The following BTD variants were observed in gnomAD, a reference collection of about 807,000 sequenced individuals.
BTD encodes the protein biotinidase, also known as biocytinase.
Under a neutral mutation model 17.7 loss-of-function variants are expected in BTD, and 13 were observed. The observed-to-expected ratio is 0.74, with a 90% confidence interval of 0.48 to 1.17. The LOEUF is 1.17. Ranked by LOEUF, BTD falls within the 50% of genes most tolerant of loss-of-function variation. BTD has a pLI of 0.00. For synonymous variants in BTD, 240 were observed against 245.2 expected (o/e 0.98, Z 0.20); for missense variants, 674 against 650.4 (o/e 1.04, Z -0.39).
intron 3 of BTD, chr3:15,709,671 C>T (rs1185638022): frequency 3.8e-6 from 6 of 1,577,342 alleles, no homozygotes; most frequent in Admixed American, 1.8e-5. Context: ...ACCCTACCTC[C>T]CAAATTTGTC....
At position 15,710,465 on chromosome 3, in the gene BTD, C is replaced by G. The variant is rs185568864; in HGVS notation, c.*391C>G. Reference sequence around the variant, plus strand: ...GGCGACCTTGGAAGAACAAGAAAACCAGTCACATGCTCACAATCCATCTCT... The same window carrying G: ...GGCGACCTTGGAAGAACAAGAAAACGAGTCACATGCTCACAATCCATCTCT... On this transcript the variant is annotated 3_prime_UTR_variant, in exon 4 of 4. Transcript: ENST00000672141. Among the ~76,000 whole-genome samples the G allele has an allele frequency of 3.1e-3, 469 of 152,258 alleles. 3 individuals are homozygous for G. The highest frequency in any genetic ancestry group is 5.5e-3 in the Non-Finnish European group (373 of 68,014).
intron 2 of BTD, among the ~76,000 whole-genome samples, chr3:15,636,234 C>T (rs2065343878): frequency 6.6e-6 from 1 of 152,204 alleles, no homozygotes; most frequent in Admixed American, 6.5e-5. Flanking sequence ...TAGTAAGCAT[C>T]TGCAAGAATG....
intron 2 of BTD, among the ~76,000 whole-genome samples, chr3:15,638,371 C>T (rs982206873): frequency 2.6e-5 from 4 of 152,150 alleles, no homozygotes; most frequent in South Asian, 2.1e-4. Context: ...TCCCAGAACA[C>T]GCAGCCCTGA....
At chr3:15,678,492 T>C (rs936424154) in intron 3 of BTD, 3 of 662,036 alleles carry the variant, frequency 4.5e-6, no homozygotes, top group South Asian at 3.2e-5. Context: ...CACAAACAAA[T>C]AGGCTCAATG....
chr3:15,615,585 T>C (rs549898893), intron 1 of BTD, among the ~76,000 whole-genome samples: 1 of 152,350 alleles, frequency 6.6e-6, no homozygotes, highest in South Asian at 2.1e-4. Context: ...ATTTTAGTTT[T>C]TATTTTTTAA....
downstream of BTD, among the ~76,000 whole-genome samples, chr3:15,715,838 C>T (rs574440875): frequency 4.0e-5 from 6 of 151,430 alleles, no homozygotes; most frequent in East Asian, 1.2e-3. Context: ...TTTGTTTTAC[C>T]ATTATTTTTC....
chr3:15,716,233 C>T (rs1321067703), downstream of BTD, among the ~76,000 whole-genome samples: 7 of 150,918 alleles, frequency 4.6e-5, no homozygotes, highest in Admixed American at 6.6e-5. Context: ...CCACCCGCCT[C>T]GGCCTCCCAA....
chr3:15,619,525 G>A (rs186945192), intron 1 of BTD, among the ~76,000 whole-genome samples: 2 of 152,306 alleles, frequency 1.3e-5, no homozygotes, highest in Admixed American at 1.3e-4. Flanking sequence ...TAGTCATGGT[G>A]TATAATTTCT....
rs397514437 is a variant in BTD at position 15,644,374 on chromosome 3, T to G, written c.458T>G (p.Leu153Arg). The change falls in exon 4 of 4, where the codon CTT (leucine) becomes CGT (arginine). Residue 153 changes from leucine to arginine, a missense_variant. Physicochemically the swap from Leu to Arg is moderately radical, Grantham distance 102 (BLOSUM62 -2). Coordinates refer to ENST00000643237, the MANE Select transcript of BTD (RefSeq NM_001370658.1). The stretch of plus-strand genomic sequence containing the variant: ...GGAGATATGTTCTTGGTGGCCAATC[T>G]TGGGACAAAGGAGCCTTGTCATAGC... Reference protein sequence around the residue: ...IRGDMFLVANLGTKEPCHSSD... With the variant: ...IRGDMFLVANRGTKEPCHSSD... The G allele has an allele frequency of 6.2e-7, 1 of 1,614,174 alleles. No homozygotes were observed. Among genetic ancestry groups the G allele is most frequent in the Non-Finnish European group, 8.5e-7 (1 of 1,180,028 alleles).
At chr3:15,719,521 C>T (rs971101653) in intron 4 of BTD, among the ~76,000 whole-genome samples, 1 of 152,122 alleles carries the variant, frequency 6.6e-6, no homozygotes, top group African/African-American at 2.4e-5. Context: ...ATCTGGATTG[C>T]ATGTGCTCTC....
intron 1 of BTD, among the ~76,000 whole-genome samples, chr3:15,626,699 C>T (rs909738021): frequency 8.0e-5 from 12 of 150,178 alleles, no homozygotes; most frequent in Admixed American, 1.3e-4. Context: ...ATCACTTGAG[C>T]CTAGGAGTTT....
intron 3 of BTD, chr3:15,642,278 T>C: frequency 7.0e-7 from 1 of 1,430,430 alleles, no homozygotes; most frequent in Non-Finnish European, 9.1e-7. Context: ...ATTTATTAAT[T>C]ACACAATAAA....
At chr3:15,672,455 T>C (rs1035311115) in intron 3 of BTD, among the ~76,000 whole-genome samples, 1 of 152,172 alleles carries the variant, frequency 6.6e-6, no homozygotes, top group African/African-American at 2.4e-5. Flanking sequence ...AAAAGTAATT[T>C]TTCCCCCTTT....
intron 3 of BTD, among the ~76,000 whole-genome samples, chr3:15,699,480 T>C (rs536707297): frequency 8.3e-4 from 126 of 152,280 alleles, no homozygotes; most frequent in African/African-American, 2.9e-3. Context: ...AGAAAATTTT[T>C]GCAATCTACC....
intron 1 of BTD, among the ~76,000 whole-genome samples, chr3:15,615,374 C>T (rs1381591201): frequency 6.6e-6 from 1 of 152,172 alleles, no homozygotes; most frequent in African/African-American, 2.4e-5. Context: ...GTTACTTTGG[C>T]AGGCAGGCAG....
exon 5 of BTD, among the ~76,000 whole-genome samples, chr3:15,722,044 C>T (rs917718070): frequency 1.3e-5 from 2 of 152,148 alleles, no homozygotes; most frequent in Non-Finnish European, 2.9e-5. Flanking sequence ...TGTGCCCAGC[C>T]TTGTTTTTCT....
At chr3:15,721,272 C>T in intron 4 of BTD, 1 of 694,578 alleles carries the variant, frequency 1.4e-6, no homozygotes, top group African/African-American at 1.8e-5. Context: ...GCTTATAATT[C>T]TAAAGTTGGT....
intron 3 of BTD, among the ~76,000 whole-genome samples, chr3:15,658,942 A>C (rs2065897000): frequency 6.6e-6 from 1 of 152,110 alleles, no homozygotes; most frequent in Non-Finnish European, 1.5e-5. Flanking sequence ...GTCTGCCTCA[A>C]AAGTCCACAA....
At chr3:15,688,898 G>A (rs2068460221) in intron 3 of BTD, among the ~76,000 whole-genome samples, 2 of 152,300 alleles carry the variant, frequency 1.3e-5, no homozygotes, top group South Asian at 4.1e-4. Context: ...CAGTACACTG[G>A]TAAAATAAGT....
Sources: gnomAD v4.1 joint callset for allele counts (sites outside exome capture counted in the v4.1 genomes callset) on GRCh38, gnomAD v4.1.1 for gene constraint, MANE v1.5 for transcripts, NCBI Gene and HGNC (gene_info 2026-07-23, HGNC 2026-07-21) for gene names.